Variants in PDK3 observed in about 807,000 individuals in gnomAD.
PDK3 encodes the protein pyruvate dehydrogenase kinase, isozyme 3.
Under a neutral mutation model 32.0 loss-of-function variants are expected in PDK3, and 12 were observed. That is an observed-to-expected ratio of 0.37 (90% CI 0.24 to 0.61). The LOEUF (loss-of-function observed/expected upper bound fraction) is 0.61, where lower values mean the gene tolerates loss of function less well. Among genes scored for constraint, PDK3 ranks in the 20% least tolerant of loss-of-function variants. The probability of loss-of-function intolerance (pLI) is 0.65; values close to 1 mark genes in which losing one functional copy is unlikely to be tolerated. For synonymous variants in PDK3, 122 were observed against 116.3 expected (o/e 1.05, Z -0.31); for missense variants, 188 against 316.9 (o/e 0.59, Z 3.09).
At chrX:24,537,618 A>G (rs1395086793), downstream of PDK3, among the ~76,000 whole-genome samples, 2 of 111,542 alleles carry the variant, frequency 1.8e-5, no homozygotes, top group African/African-American at 3.3e-5. Flanking sequence ...TCTCCCCAAT[A>G]TATTTTAATT....
At chrX:24,517,967 A>G (rs1922298160) in intron 5 of PDK3, among the ~76,000 whole-genome samples, 1 of 112,353 alleles carries the variant, frequency 8.9e-6, no homozygotes, top group African/African-American at 3.2e-5. Flanking sequence ...CTGGCAAATC[A>G]CAAGACTGTT....
chrX:24,513,969 T>C (rs765587690), intron 5 of PDK3, among the ~76,000 whole-genome samples: 1 of 112,154 alleles, frequency 8.9e-6, no homozygotes. Flanking sequence ...TCTGTTAGAC[T>C]CAAAGTTAGG....
chrX:24,507,927 G>A (rs995499977), intron 5 of PDK3, among the ~76,000 whole-genome samples: 51 of 111,512 alleles, frequency 4.6e-4, no homozygotes, highest in African/African-American at 1.5e-3. Context: ...CTGGGCATTT[G>A]TTGAAAATTC....
At chrX:24,511,693 C>T (rs1244565073) in intron 5 of PDK3, among the ~76,000 whole-genome samples, 2 of 110,782 alleles carry the variant, frequency 1.8e-5, no homozygotes, top group Non-Finnish European at 3.8e-5. Context: ...ACTAAAAATA[C>T]AAAAGTTAGA....
At chrX:24,486,556 T>A (rs921663396) in intron 1 of PDK3, among the ~76,000 whole-genome samples, 1 of 111,581 alleles carries the variant, frequency 9.0e-6, no homozygotes, top group Non-Finnish European at 1.9e-5. Context: ...TTTGGGGCAC[T>A]GAATTTGATA....
intron 1 of PDK3, among the ~76,000 whole-genome samples, chrX:24,473,625 C>T (rs775398253): frequency 1.8e-5 from 2 of 108,622 alleles, no homozygotes; most frequent in East Asian, 5.9e-4. Flanking sequence ...TTAGTAGAGA[C>T]GGGGTTTTGC....
intron 6 of PDK3, among the ~76,000 whole-genome samples, chrX:24,524,662 A>G (rs550923330): frequency 1.8e-5 from 2 of 111,760 alleles, no homozygotes; most frequent in African/African-American, 6.5e-5. Context: ...GAAAGAACCT[A>G]TAGGCAATTT....
chrX:24,527,797 C>G, intron 8 of PDK3, 122 bp downstream of exon 8: 1 of 500,128 alleles, frequency 2.0e-6, no homozygotes, highest in East Asian at 3.7e-5. Flanking sequence ...AAGTTCTATG[C>G]TAGATCCTTG....
intron 1 of PDK3, among the ~76,000 whole-genome samples, chrX:24,477,266 A>G (rs1259303934): frequency 8.9e-6 from 1 of 111,955 alleles, no homozygotes; most frequent in Non-Finnish European, 1.9e-5. Context: ...CATAGGAATG[A>G]AAAGTGCTTT....
In PDK3 at chrX:24,498,880, G is replaced by A. The variant is rs1407235210; in HGVS notation, c.300G>A (p.Glu100=). ...TAGAATATGAAAATAAGAGCCCTGA[G>A]GATCCACAGGTCTTGGATAAGTAAG... is the stretch of plus-strand genomic sequence containing the variant. ...ELLEYENKSP[E]DPQVLDNFLQ... Residue 100 remains glutamate, a synonymous_variant, in exon 3 of 11, where the codon GAG becomes GAA. Transcript: ENST00000379162. 1.8e-6 allele frequency: 2 copies of A among 1,139,784 alleles called. No homozygotes were observed. Among genetic ancestry groups the A allele is most frequent in the African/African-American group, 3.7e-5 (2 of 53,850 alleles). 93.9% of individuals were successfully genotyped at this position (1,139,784 alleles called of 1,213,427 possible).
chrX:24,467,358 A>G (rs1275200787), intron 1 of PDK3, among the ~76,000 whole-genome samples: 3 of 112,861 alleles, frequency 2.7e-5, no homozygotes, highest in African/African-American at 9.6e-5. Context: ...AGAGGCATGA[A>G]CTTTCTAAAA....
At chrX:24,527,700 C>A in intron 8 of PDK3, 25 bp downstream of exon 8, 2 of 830,043 alleles carry the variant, frequency 2.4e-6, no homozygotes, top group Admixed American at 2.9e-5. Flanking sequence ...TGCATGTATA[C>A]TTTAATTATC....
intron 5 of PDK3, among the ~76,000 whole-genome samples, chrX:24,510,914 C>T (rs58988588): frequency 0.06 from 6,764 of 112,020 alleles, 180 homozygotes; most frequent in African/African-American, 0.1. Context: ...TGTCTCCAGT[C>T]GACTGTCTGC....
chrX:24,539,490 C>T (rs980221314), exon 12 of PDK3: 9 of 200,645 alleles, frequency 4.5e-5, no homozygotes, highest in Non-Finnish European at 8.1e-5. Flanking sequence ...TTCAGTCCTT[C>T]CAGGATTCTG....
chrX:24,525,932 T>G (rs534320584), intron 6 of PDK3, among the ~76,000 whole-genome samples: 5 of 112,362 alleles, frequency 4.4e-5, no homozygotes, highest in African/African-American at 1.6e-4. Context: ...GTGATAATAT[T>G]CCAATTCTGC....
intron 1 of PDK3, among the ~76,000 whole-genome samples, chrX:24,488,136 A>G (rs5986480): frequency 0.43 from 47,371 of 109,728 alleles, 8,090 homozygotes; most frequent in African/African-American, 0.63. Context: ...GTTATCAGCC[A>G]CTATGTAAAC....
intron 3 of PDK3, among the ~76,000 whole-genome samples, chrX:24,501,613 G>A (rs1921859825): frequency 8.9e-6 from 1 of 112,382 alleles, no homozygotes; most frequent in Admixed American, 9.4e-5. Flanking sequence ...ACTTTGGGAG[G>A]CTGCAGGAGA....
rs768432197 is a variant in PDK3 at position 24,547,584 on chromosome X, T to C, written c.*8420T>C. Reference sequence around the variant, plus strand: ...ACCATGGCTTGAGCTTTAATTTACATAGAGACGTATTTTGGATTTGTTTTT... The same window carrying C: ...ACCATGGCTTGAGCTTTAATTTACACAGAGACGTATTTTGGATTTGTTTTT... On this transcript the variant is annotated 3_prime_UTR_variant, in exon 12 of 12. Coordinates refer to the PDK3 transcript ENST00000568479. The C allele has an allele frequency of 2.7e-5, 3 of 112,575 alleles. No homozygotes were observed. The South Asian group carries it at 1.1e-3, about 41-fold the overall frequency. The allele number at this position is 112,575 out of a possible 1,213,427, so 9.3% of individuals were successfully genotyped here.
At chrX:24,528,871 T>A (rs570091699) in intron 9 of PDK3, among the ~76,000 whole-genome samples, 2 of 111,977 alleles carry the variant, frequency 1.8e-5, no homozygotes, top group South Asian at 3.7e-4. Flanking sequence ...CAAACAACAA[T>A]TGAACCCTTT....
Sources: gnomAD v4.1 joint callset for allele counts (sites outside exome capture counted in the v4.1 genomes callset) on GRCh38, gnomAD v4.1.1 for gene constraint, MANE v1.5 for transcripts, NCBI Gene and HGNC (gene_info 2026-07-23, HGNC 2026-07-21) for gene names.